The following BMP5 variants were observed in gnomAD, a reference collection of about 807,000 sequenced individuals.
BMP5 encodes bone morphogenetic protein 5.
In BMP5, 23 loss-of-function variants were observed where a neutral mutation model predicts 46.6. The ratio of observed to expected loss-of-function variants is 0.49; its 90% confidence interval spans 0.35 to 0.70. The LOEUF is 0.70. Among genes scored for constraint, BMP5 ranks in the 30% least tolerant of loss-of-function variants. The probability of loss-of-function intolerance (pLI) is 0.00; values close to 1 mark genes in which losing one functional copy is unlikely to be tolerated. For synonymous variants in BMP5, 204 were observed against 191.9 expected (o/e 1.06, Z -0.52); for missense variants, 545 against 565.6 (o/e 0.96, Z 0.37).
intron 1 of BMP5, among the ~76,000 whole-genome samples, chr6:55,834,879 G>A (rs565792210): frequency 4.6e-5 from 7 of 152,194 alleles, no homozygotes; most frequent in African/African-American, 9.6e-5. Context: ...TCAGAAGTTC[G>A]AGACCAGCCT....
At chr6:55,762,524 G>A (rs1774812391) in intron 4 of BMP5, among the ~76,000 whole-genome samples, 1 of 152,140 alleles carries the variant, frequency 6.6e-6, no homozygotes, top group Non-Finnish European at 1.5e-5. Flanking sequence ...TAGATAATGG[G>A]AAATGGGGGA....
rs772798463 is a variant in BMP5, at chr6:55,759,108, A to T, written c.1112T>A (p.Ile371Asn). 7.9e-7 allele frequency: 1 copy of T among 1,271,412 alleles called. No individual in the cohort carries two copies. The highest frequency in any genetic ancestry group is 1.1e-6 in the Non-Finnish European group (1 of 941,444). 78.8% of individuals were successfully genotyped at this position (1,271,412 alleles called of 1,614,324 possible). A position where few individuals can be genotyped will look rare whatever the true frequency, so the allele number is the denominator to read the frequency against. The change falls in exon 6 of 7, where the codon ATT (isoleucine) becomes AAT (asparagine). Residue 371 changes from isoleucine (I) to asparagine (N), a missense_variant. Transcript: ENST00000370830. ...TGCAGCGTATCCTTCTGGTGCTATA[A>T]TCCAGTCCTGACACATACACACACA... is the stretch of plus-strand genomic sequence containing the variant. ...SFRDLGWQDW[I>N]IAPEGYAAFY... is the part of the protein sequence containing the mutation.
At chr6:55,842,666 A>T (rs981131604) in intron 1 of BMP5, among the ~76,000 whole-genome samples, 2 of 151,850 alleles carry the variant, frequency 1.3e-5, no homozygotes, top group Admixed American at 1.3e-4. Context: ...GACACAAAAA[A>T]CCTGGGCAAA....
At chr6:55,799,323 G>A (rs1775789016) in intron 2 of BMP5, among the ~76,000 whole-genome samples, 1 of 152,064 alleles carries the variant, frequency 6.6e-6, no homozygotes, top group Non-Finnish European at 1.5e-5. Context: ...GTATTATTTA[G>A]AGAAGAACAT....
At chr6:55,766,654 A>G (rs377508520) in intron 4 of BMP5, among the ~76,000 whole-genome samples, 1 of 152,056 alleles carries the variant, frequency 6.6e-6, no homozygotes, top group South Asian at 2.1e-4. Flanking sequence ...TTTAAAATGC[A>G]TATCTGGTTA....
intron 1 of BMP5, among the ~76,000 whole-genome samples, chr6:55,851,791 T>C (rs1777249897): frequency 6.6e-6 from 1 of 152,088 alleles, no homozygotes; most frequent in Non-Finnish European, 1.5e-5. Context: ...AGAAAGCACC[T>C]GATAATAAAA....
intron 3 of BMP5, among the ~76,000 whole-genome samples, chr6:55,778,564 A>G (rs2127523057): frequency 6.6e-6 from 1 of 152,176 alleles, no homozygotes; most frequent in African/African-American, 2.4e-5. Flanking sequence ...ACAAAAAACA[A>G]ACAAAAATAT....
chr6:55,825,182 C>T (rs911039381), intron 1 of BMP5, among the ~76,000 whole-genome samples: 10 of 151,780 alleles, frequency 6.6e-5, no homozygotes, highest in African/African-American at 1.7e-4. Context: ...TTCAGCAAAA[C>T]GTATGCATTT....
intron 4 of BMP5, among the ~76,000 whole-genome samples, chr6:55,763,031 A>C (rs921598618): frequency 3.3e-5 from 5 of 152,140 alleles, no homozygotes; most frequent in African/African-American, 1.2e-4. Context: ...ACATTTTCAA[A>C]TGTAAAGACC....
chr6:55,785,548 G>A (rs1775426863), intron 3 of BMP5, among the ~76,000 whole-genome samples: 1 of 151,692 alleles, frequency 6.6e-6, no homozygotes, highest in Non-Finnish European at 1.5e-5. Context: ...ACGTGGGTTT[G>A]GAAAATTAAC....
At chr6:55,827,339 G>T (rs539361860) in intron 1 of BMP5, among the ~76,000 whole-genome samples, 1 of 151,732 alleles carries the variant, frequency 6.6e-6, no homozygotes, top group African/African-American at 2.4e-5. Context: ...TAATTTTCTA[G>T]AAGCTAGATG....
intron 1 of BMP5, among the ~76,000 whole-genome samples, chr6:55,827,737 A>G (rs1776565970): frequency 6.6e-6 from 1 of 151,862 alleles, no homozygotes; most frequent in Non-Finnish European, 1.5e-5. Flanking sequence ...AATGTCAAAA[A>G]TTAGCTTAGA....
chr6:55,833,546 T>C (rs1776714248), intron 1 of BMP5, among the ~76,000 whole-genome samples: 2 of 152,144 alleles, frequency 1.3e-5, no homozygotes, highest in Admixed American at 6.6e-5. Context: ...GCCATGTAAA[T>C]AATCATTACA....
At chr6:55,791,239 G>A (rs1486531278) in intron 3 of BMP5, among the ~76,000 whole-genome samples, 1 of 152,180 alleles carries the variant, frequency 6.6e-6, no homozygotes, top group Non-Finnish European at 1.5e-5. Context: ...AATGTCACAT[G>A]TATATTCTCC....
chr6:55,762,239 AG>A (rs1207032072), intron 4 of BMP5, among the ~76,000 whole-genome samples: 1 of 152,128 alleles, frequency 6.6e-6, no homozygotes, highest in Admixed American at 6.5e-5. Context: ...AAAATATTAA[AG>A]AAATAAAATT....
chr6:55,777,262 T>C (rs1775198073), intron 3 of BMP5, among the ~76,000 whole-genome samples: 1 of 151,900 alleles, frequency 6.6e-6, no homozygotes, highest in Non-Finnish European at 1.5e-5. Flanking sequence ...GACTACACCG[T>C]ATGTATTAAA....
intron 3 of BMP5, among the ~76,000 whole-genome samples, chr6:55,789,420 A>G (rs1316527043): frequency 6.6e-6 from 1 of 152,042 alleles, no homozygotes; most frequent in Non-Finnish European, 1.5e-5. Flanking sequence ...AGCATCAAAC[A>G]ACGGAAAATT....
intron 5 of BMP5, among the ~76,000 whole-genome samples, chr6:55,760,048 GA>G (rs1253625645): frequency 1.3e-5 from 2 of 150,610 alleles, no homozygotes; most frequent in Non-Finnish European, 3.0e-5. Flanking sequence ...TTAAGTGCAA[GA>G]AAAAAAAATG....
intron 1 of BMP5, among the ~76,000 whole-genome samples, chr6:55,822,942 A>C (rs1776443986): frequency 6.6e-6 from 1 of 152,132 alleles, no homozygotes; most frequent in South Asian, 2.1e-4. Context: ...GCTTTGAATC[A>C]TAATTGCAAC....
Sources: gnomAD v4.1 joint callset for allele counts (sites outside exome capture counted in the v4.1 genomes callset) on GRCh38, gnomAD v4.1.1 for gene constraint, MANE v1.5 for transcripts, NCBI Gene and HGNC (gene_info 2026-07-23, HGNC 2026-07-21) for gene names.